Variants in CEP72 observed in about 807,000 individuals in gnomAD.
CEP72 encodes centrosomal protein of 72 kDa.
In CEP72, 78 loss-of-function variants were observed where a neutral mutation model predicts 65.7. That is an observed-to-expected ratio of 1.19 (90% CI 0.99 to 1.43). The LOEUF is 1.43. CEP72 is among the 40% of genes most tolerant of loss of function. CEP72 has a pLI of 0.00. For missense variants in CEP72, 914 were observed against 832.9 expected, an observed-to-expected ratio of 1.10 and a Z score of -1.20; for synonymous variants, 358 against 351.7, an observed-to-expected ratio of 1.02 and a Z score of -0.20.
rs557581069 is a variant in CEP72 at position 653,486 on chromosome 5, A to G, written c.*333A>G. 1.9e-4 allele frequency: 36 copies of G among 186,362 alleles called. No individual in the cohort carries two copies. The highest frequency in any genetic ancestry group is 7.9e-4 in the African/African-American group (34 of 42,894). 11.5% of individuals were successfully genotyped at this position (186,362 alleles called of 1,614,324 possible). On this transcript the variant is annotated 3_prime_UTR_variant, in exon 12 of 12. Transcript: ENST00000264935. ...ATGTGAAAGAGAGCTATGTATGATA[A>G]TTAAAGAAAATAATTTTCTGTGTAA...
downstream of CEP72, chr5:660,619 G>A (rs1050053331): frequency 1.3e-5 from 2 of 152,332 alleles, no homozygotes; most frequent in African/African-American, 4.8e-5. Flanking sequence ...GAGGAGATGA[G>A]CTGGGCCAGT....
intron 10 of CEP72, among the ~76,000 whole-genome samples, 164 bp downstream of exon 10, chr5:644,589 C>T (rs1474408819): frequency 2.6e-5 from 4 of 152,166 alleles, no homozygotes; most frequent in East Asian, 1.9e-4. Flanking sequence ...GAGGCTGCCT[C>T]GGCCGGAGTT....
chr5:624,046 C>T lies in CEP72; in HGVS notation c.404-425C>T, dbSNP rs773875931. Among the ~76,000 whole-genome samples the T allele has an allele frequency of 4.6e-5, 7 of 152,078 alleles. No individual in the cohort carries two copies. Among genetic ancestry groups the T allele is most frequent in the African/African-American group, 9.7e-5 (4 of 41,410 alleles). On this transcript the variant is annotated intron_variant, in intron 3 of 11. Coordinates refer to ENST00000264935, the MANE Select transcript of CEP72 (RefSeq NM_018140.4). This position sits in a 1 kb window ranked among gnomAD's most constrained non-coding sequence, Gnocchi z 4.7. ...GGTGGGAGCCTGGTGGCCCCAGGTA[C>T]GCACGTCCCTGAGGCCCAGCCCTAA...
At chr5:642,073 C>CCA (rs1738080027) in intron 9 of CEP72, 1 of 982,274 alleles carries the variant, frequency 1.0e-6, no homozygotes. Flanking sequence ...CATTTAAGCA[C>CCA]ACGTGGTCCC....
At chr5:634,433 C>T (rs1164670864) in intron 5 of CEP72, among the ~76,000 whole-genome samples, 9 of 152,238 alleles carry the variant, frequency 5.9e-5, no homozygotes, top group Admixed American at 4.6e-4. Flanking sequence ...ATTCCACCTC[C>T]GCTGTGAGTT....
At chr5:662,844 G>A (rs1006196962) in intron 1 of CEP72, 1 of 152,450 alleles carries the variant, frequency 6.6e-6, no homozygotes, top group African/African-American at 2.4e-5. Context: ...GGCTGTTATC[G>A]GGTGATTCCG....
At chr5:671,332 C>T (rs1310514696), downstream of CEP72, among the ~76,000 whole-genome samples, 1 of 152,106 alleles carries the variant, frequency 6.6e-6, no homozygotes, top group East Asian at 1.9e-4. Flanking sequence ...GGACTTGGGG[C>T]CCAGAGGGAC....
chr5:633,620 G>T (rs1344475205), intron 4 of CEP72, 149 bp from the exon 5 acceptor site: 2 of 710,792 alleles, frequency 2.8e-6, no homozygotes, highest in East Asian at 2.5e-5. Flanking sequence ...TAGCATCACT[G>T]CAGTGGAAGC....
At chr5:653,835 G>A (rs1472139333), downstream of CEP72, among the ~76,000 whole-genome samples, 1 of 152,212 alleles carries the variant, frequency 6.6e-6, no homozygotes, top group Admixed American at 6.5e-5. Context: ...TTTTTAGTTT[G>A]GAAACTTCAT....
chr5:625,376 C>T (rs182755415), intron 4 of CEP72, among the ~76,000 whole-genome samples: 12 of 152,296 alleles, frequency 7.9e-5, no homozygotes, highest in African/African-American at 2.9e-4. Context: ...TTTTAAACTC[C>T]TAGTGCAGGG....
Position 619,070 on chromosome 5 carries a change from G to A in CEP72, c.163G>A (p.Gly55Ser). 1 of 1,613,858 alleles carries A rather than the reference G, an allele frequency of 6.2e-7. No individual in the cohort carries two copies. The highest frequency in any genetic ancestry group is 1.1e-5 in the South Asian group (1 of 91,068). The stretch of plus-strand genomic sequence containing the variant: ...GGGACATTCTCTGATGAGTTTAACA[G>A]GTCTGAAATCTTTGGATCTCTCGCG... Reference protein sequence around the residue: ...HLGHSLMSLTGLKSLDLSRNS... With the variant: ...HLGHSLMSLTSLKSLDLSRNS... Residue 55 changes from glycine to serine, a missense_variant, in exon 2 of 12, where the codon GGT (glycine) becomes AGT (serine). By Grantham distance (56) the Gly-to-Ser change is moderately conservative (BLOSUM62 0). Coordinates refer to ENST00000264935, the MANE Select transcript of CEP72 (RefSeq NM_018140.4).
intron 2 of CEP72, chr5:663,585 C>G (rs1739771982): frequency 6.6e-6 from 1 of 152,460 alleles, no homozygotes; most frequent in African/African-American, 2.4e-5. Flanking sequence ...AGGGGGAGTC[C>G]TTCCACGGAG....
At position 624,604 on chromosome 5, in the gene CEP72, C is replaced by T. The variant is rs1461462700; in HGVS notation, c.512+25C>T. ...GGTATGAACGGAAGTGCTACGGACA[C>T]CCAGAGTGTTTCTGACTGGCCTGCT... On this transcript the variant is annotated intron_variant, in intron 4 of 11. Transcript: ENST00000264935. This position sits in a 1 kb window ranked among gnomAD's most constrained non-coding sequence, Gnocchi z 4.7. 1 of 1,497,796 alleles carries T rather than the reference C, an allele frequency of 6.7e-7. No individual in the cohort carries two copies. 92.8% of individuals were successfully genotyped at this position (1,497,796 alleles called of 1,614,324 possible).
chr5:613,510 C>G (rs946903109), intron 1 of CEP72, among the ~76,000 whole-genome samples: 3 of 152,192 alleles, frequency 2.0e-5, no homozygotes, highest in African/African-American at 7.2e-5. Flanking sequence ...GGATTACAAG[C>G]ACGCGCCACC....
chr5:644,190 C>T (rs1413044981), intron 9 of CEP72, 109 bp from the exon 10 acceptor site: 1 of 1,250,814 alleles, frequency 8.0e-7, no homozygotes, highest in African/African-American at 1.5e-5. Context: ...TCGTGACTCC[C>T]AAGTATGCAG....
chr5:613,507 A>G (rs1202489379), intron 1 of CEP72, among the ~76,000 whole-genome samples: 1 of 152,296 alleles, frequency 6.6e-6, no homozygotes, highest in South Asian at 2.1e-4. Context: ...CTGGGATTAC[A>G]AGCACGCGCC....
chr5:665,164 C>T (rs1187324219), intron 2 of CEP72: 1 of 1,613,496 alleles, frequency 6.2e-7, no homozygotes, highest in Non-Finnish European at 8.5e-7. Context: ...GACACATAGC[C>T]TGACTCGTCC....
chr5:614,202 CT>C (rs771271745), intron 1 of CEP72, among the ~76,000 whole-genome samples: 4 of 151,952 alleles, frequency 2.6e-5, no homozygotes, highest in East Asian at 1.9e-4. Flanking sequence ...TTGATTTCTG[CT>C]TTTTTTTATT....
At chr5:614,002 C>T (rs922016390) in intron 1 of CEP72, among the ~76,000 whole-genome samples, 6 of 152,186 alleles carry the variant, frequency 3.9e-5, no homozygotes, top group East Asian at 1.9e-4. Context: ...CGGGACATGC[C>T]GAGTCCTCCC....
Sources: allele counts gnomAD v4.1 joint callset (sites outside exome capture counted in the v4.1 genomes callset), GRCh38; gene constraint gnomAD v4.1.1; non-coding constraint Gnocchi (gnomAD v3.1); transcripts MANE v1.5; gene names NCBI Gene and HGNC (gene_info 2026-07-23, HGNC 2026-07-21).